The following ATP9B variants were observed in gnomAD, a reference collection of about 807,000 sequenced individuals.
The protein encoded by ATP9B is ATPase phospholipid transporting 9B, also known as probable phospholipid-transporting ATPase IIB.
A neutral mutation model predicts 146.1 loss-of-function variants in ATP9B; 110 were observed. The observed-to-expected ratio is 0.75, with a 90% CI of 0.65 to 0.88. The LOEUF (loss-of-function observed/expected upper bound fraction) is 0.88, where lower values mean the gene tolerates loss of function less well. Ranked by LOEUF, ATP9B falls within the 40% of genes least tolerant of loss-of-function variation. The probability of loss-of-function intolerance (pLI) is 0.00; values close to 1 mark genes in which losing one functional copy is unlikely to be tolerated. For missense variants in ATP9B, 1,499 were observed against 1,496.4 expected (o/e 1.00, Z -0.03); for synonymous variants, 604 against 569.7 (o/e 1.06, Z -0.86).
chr18:79,298,692 G>A (rs2096569661), intron 13 of ATP9B, among the ~76,000 whole-genome samples: 1 of 146,960 alleles, frequency 6.8e-6, no homozygotes, highest in Non-Finnish European at 1.5e-5. Flanking sequence ...TAAATAAGCT[G>A]CAGTCATCAA....
intron 1 of ATP9B, among the ~76,000 whole-genome samples, chr18:79,090,133 A>G (rs601340): frequency 0.061 from 9,268 of 152,268 alleles, 367 homozygotes; most frequent in Non-Finnish European, 0.092. Context: ...ATGGTACTCC[A>G]TTGTGTATAT....
At chr18:79,340,561 T>C (rs2096852684) in intron 19 of ATP9B, 1 of 152,230 alleles carries the variant, frequency 6.6e-6, no homozygotes, top group African/African-American at 2.4e-5. Context: ...GTTTTTTTTC[T>C]GCTTCCTGTT....
chr18:79,327,088 A>G (rs2096751685), intron 15 of ATP9B, among the ~76,000 whole-genome samples: 1 of 152,154 alleles, frequency 6.6e-6, no homozygotes, highest in Non-Finnish European at 1.5e-5. Context: ...AAGAGTGTGA[A>G]CTCATCCTCA....
intron 12 of ATP9B, among the ~76,000 whole-genome samples, chr18:79,266,555 A>G (rs1266144535): frequency 6.6e-6 from 1 of 152,086 alleles, no homozygotes; most frequent in Non-Finnish European, 1.5e-5. Context: ...AACTTTCAAC[A>G]CTTTGTCATT....
At chr18:79,200,320 A>G (rs958253565) in intron 9 of ATP9B, among the ~76,000 whole-genome samples, 5 of 152,236 alleles carry the variant, frequency 3.3e-5, no homozygotes, top group African/African-American at 1.2e-4. Context: ...AGAAACTGTT[A>G]GAACTTCAAG....
chr18:79,297,874 A>C (rs2096564265), intron 13 of ATP9B, among the ~76,000 whole-genome samples: 1 of 147,010 alleles, frequency 6.8e-6, no homozygotes, highest in South Asian at 2.1e-4. Context: ...CCTGGGTATA[A>C]AGAGCAGGAA....
intron 1 of ATP9B, 63 bp downstream of exon 1, chr18:79,069,592 A>G: frequency 9.1e-7 from 1 of 1,102,416 alleles, no homozygotes; most frequent in Non-Finnish European, 1.2e-6. Context: ...AGCCCACCGC[A>G]GGAACCCGGA....
chr18:79,361,898 T>TCGC, intron 26 of ATP9B: 3 of 641,658 alleles, frequency 4.7e-6, no homozygotes, highest in South Asian at 6.9e-5. Flanking sequence ...TAGGACAACA[T>TCGC]AGCCCTGCTC....
At chr18:79,244,121 C>T (rs1441712375) in intron 11 of ATP9B, among the ~76,000 whole-genome samples, 2 of 152,052 alleles carry the variant, frequency 1.3e-5, no homozygotes, top group African/African-American at 4.8e-5. Context: ...GGAAAGTAGT[C>T]TCCCCACTAC....
At chr18:79,324,960 C>T (rs530841020) in intron 15 of ATP9B, among the ~76,000 whole-genome samples, 26 of 152,298 alleles carry the variant, frequency 1.7e-4, no homozygotes, top group African/African-American at 5.8e-4. Context: ...GAAGTGTGTT[C>T]AGCAGCTGGG....
chr18:79,376,214 C>CACACACACACACACAA lies in ATP9B; in HGVS notation c.3307+789_3307+790insCACACACACACACAAA. The CACACACACACACACAA allele has an allele frequency of 1.5e-3, 1,311 of 880,218 alleles. 24 individuals are homozygous for CACACACACACACACAA. Among genetic ancestry groups the CACACACACACACACAA allele is most frequent in the Admixed American group, 6.0e-3 (76 of 12,570 alleles). The allele number at this position is 880,218 out of a possible 1,614,324, so 54.5% of individuals were successfully genotyped here. The stretch of plus-strand genomic sequence containing the variant: ...ACACACACACACACACACACACACA[C>CACACACACACACACAA]AAAACAAAACAAAAAAATGGCTAGC... On this transcript the variant is annotated intron_variant, in intron 29 of 29. Transcript: ENST00000426216.
intron 2 of ATP9B, among the ~76,000 whole-genome samples, chr18:79,107,396 A>G (rs1468685078): frequency 1.3e-5 from 2 of 152,146 alleles, no homozygotes; most frequent in African/African-American, 4.8e-5. Context: ...GGGCCGATGG[A>G]TGCTCATTTG....
At chr18:79,170,008 G>C (rs910261618) in intron 7 of ATP9B, among the ~76,000 whole-genome samples, 1 of 152,190 alleles carries the variant, frequency 6.6e-6, no homozygotes, top group African/African-American at 2.4e-5. Context: ...TACTGTTACT[G>C]TGTAAGACCC....
At chr18:79,097,157 CA>C (rs373009400) in intron 2 of ATP9B, among the ~76,000 whole-genome samples, 2,742 of 80,002 alleles carry the variant, frequency 0.034, 57 homozygotes, top group African/African-American at 0.098. Context: ...GACTCTGTCT[CA>C]AAAAAAAAAA....
At position 79,193,215 on chromosome 18, in the gene ATP9B, T is replaced by C. The variant is rs1316356879; in HGVS notation, c.906T>C (p.Ala302=). 2.5e-6 allele frequency: 4 copies of C among 1,611,876 alleles called. No individual in the cohort carries two copies. Among genetic ancestry groups the C allele is most frequent in the Non-Finnish European group, 3.4e-6 (4 of 1,178,166 alleles). ...TTTCTATCAGTGCTTATGTTTATGC[T>C]CAGAAACCACAAATGGACATTCACA... ...DLFSISAYVY[A]QKPQMDIHSF... is the part of the protein sequence containing the mutation. The change falls in exon 9 of 30, where the codon GCT becomes GCC. Residue 302 remains alanine, a synonymous_variant. Coordinates refer to ENST00000426216, the MANE Select transcript of ATP9B (RefSeq NM_198531.5).
chr18:79,191,680 T>C (rs189804866), intron 8 of ATP9B, among the ~76,000 whole-genome samples: 2 of 152,332 alleles, frequency 1.3e-5, no homozygotes, highest in African/African-American at 4.8e-5. Flanking sequence ...ACTTTCTCTT[T>C]CTTTGTTGTG....
chr18:79,329,223 G>T lies in ATP9B; in HGVS notation c.1856G>T (p.Ser619Ile). The change falls in exon 16 of 30, where the codon AGT (serine) becomes ATT (isoleucine). Residue 619 changes from serine to isoleucine, a missense_variant. Coordinates refer to ENST00000426216, the MANE Select transcript of ATP9B (RefSeq NM_198531.5). ...ACCTCCATGCAGCTGAAGACCCCCA[G>T]TGGCCAGGTCCTCAGCTTCTGCATT... The part of the protein sequence containing the change: ...DLTSMQLKTP[S>I]GQVLSFCILQ... 6.2e-7 allele frequency: 1 copy of T among 1,612,900 alleles called. No individual in the cohort carries two copies. Among genetic ancestry groups the T allele is most frequent in the Non-Finnish European group, 8.5e-7 (1 of 1,179,870 alleles).
chr18:79,347,556 C>G (rs2096896924), intron 23 of ATP9B, among the ~76,000 whole-genome samples: 1 of 152,250 alleles, frequency 6.6e-6, no homozygotes, highest in Admixed American at 6.5e-5. Context: ...TCTCCTGAAG[C>G]ACTTGTGAGA....
intron 10 of ATP9B, among the ~76,000 whole-genome samples, chr18:79,207,991 A>G (rs970276075): frequency 2.6e-5 from 4 of 152,140 alleles, no homozygotes; most frequent in Non-Finnish European, 4.4e-5. Context: ...CACGCCTGGA[A>G]TCCCAGCACT....
Sources: gnomAD v4.1 joint callset for allele counts (sites outside exome capture counted in the v4.1 genomes callset) on GRCh38, gnomAD v4.1.1 for gene constraint, MANE v1.5 for transcripts, NCBI Gene and HGNC (gene_info 2026-07-23, HGNC 2026-07-21) for gene names.